APC: variants seen among roughly 807,000 people sequenced by gnomAD.
APC encodes the protein APC regulator of Wnt signaling pathway, also known as adenomatous polyposis coli protein.
APC carries 72 observed loss-of-function variants against 247.0 expected under a neutral mutation model. That is an observed-to-expected ratio of 0.29 (90% confidence interval 0.24 to 0.35). The LOEUF (loss-of-function observed/expected upper bound fraction) is 0.35. Among genes scored for constraint, APC ranks in the 10% least tolerant of loss-of-function variants. APC has a pLI of 1.00. For synonymous variants in APC, 1,254 were observed against 1,162.5 expected (o/e 1.08, Z -1.60); for missense variants, 3,400 against 3,360.7 (o/e 1.01, Z -0.29).
chr5:112,841,223 G>A lies in APC; in HGVS notation c.5629G>A (p.Glu1877Lys), dbSNP rs2149945086. The A allele has an allele frequency of 6.2e-7, 1 of 1,613,844 alleles. No homozygotes were observed. The highest frequency in any genetic ancestry group is 8.5e-7 in the Non-Finnish European group (1 of 1,179,824). The change falls in exon 16 of 16, where the codon GAA (glutamate) becomes AAA (lysine). Residue 1877 changes from glutamate to lysine, a missense_variant. Transcript: ENST00000257430. This position sits in a 1 kb window ranked among gnomAD's most constrained non-coding sequence, Gnocchi z 4.6. ...TGATGATGATGTTGACCTTTCCAGG[G>A]AAAAGGCTGAATTAAGAAAGGCAAA... ...FDDDDVDLSR[E>K]KAELRKAKEN...
At chr5:112,747,241 A>AGG (rs5870511) in intron 1 of APC, among the ~76,000 whole-genome samples, 13 of 151,924 alleles carry the variant, frequency 8.6e-5, no homozygotes, top group South Asian at 2.1e-4. Context: ...CTTTTTCTTG[A>AGG]GGGGGGAAAA....
At chr5:112,755,165 G>C (rs1754827540) in intron 2 of APC, 140 bp downstream of exon 2, 8 of 1,239,996 alleles carry the variant, frequency 6.5e-6, no homozygotes, top group Non-Finnish European at 8.8e-6. Context: ...GCAAAAGTTA[G>C]CATTTATATT....
At chr5:112,742,776 C>T (rs954227623) in intron 1 of APC, among the ~76,000 whole-genome samples, 3 of 152,140 alleles carry the variant, frequency 2.0e-5, no homozygotes, top group Admixed American at 1.3e-4. Flanking sequence ...TCACTAAGTC[C>T]AGCCCACCAA....
chr5:112,818,069 C>T (rs1449315288), intron 9 of APC, among the ~76,000 whole-genome samples: 2 of 152,222 alleles, frequency 1.3e-5, no homozygotes, highest in South Asian at 4.1e-4. Context: ...CTAGATTCCC[C>T]TAAAATACCC....
intron 6 of APC, among the ~76,000 whole-genome samples, chr5:112,790,350 C>T (rs1007030899): frequency 2.6e-5 from 4 of 151,666 alleles, no homozygotes; most frequent in South Asian, 2.1e-4. Flanking sequence ...TGTTTTGAGA[C>T]GGAGTCTCAC....
At chr5:112,737,175 G>T (rs1256487017), upstream of APC, among the ~76,000 whole-genome samples, 2 of 152,092 alleles carry the variant, frequency 1.3e-5, no homozygotes, top group African/African-American at 4.8e-5. Context: ...ATGTGTCAGG[G>T]ACTGCTCTAA....
In APC at chr5:112,841,700, G is replaced by A. The variant is rs1312511221; in HGVS notation, c.6106G>A (p.Asp2036Asn). The change falls in exon 16 of 16, where the codon GAT becomes AAT. Residue 2036 changes from aspartate (D) to asparagine (N), a missense_variant. Physicochemically the swap from Asp to Asn is conservative, Grantham distance 23. This residue lies in a region of APC where 1,788 missense variants were observed against 1,649.5 expected (regional missense o/e 1.08). Coordinates refer to ENST00000257430, the MANE Select transcript of APC (RefSeq NM_000038.6). This position sits in a 1 kb window ranked among gnomAD's most constrained non-coding sequence, Gnocchi z 4.6. ...CAGTTCTCTTAGTATTGACTCTGAAGATGACCTGTTGCAGGAATGTATAAG... is the reference window on the plus strand; with the variant it reads ...CAGTTCTCTTAGTATTGACTCTGAAAATGACCTGTTGCAGGAATGTATAAG... ...SLSSLSIDSEDDLLQECISSA... is the reference protein window; with the variant it reads ...SLSSLSIDSENDLLQECISSA... 5 of 1,613,742 alleles carry A rather than the reference G, an allele frequency of 3.1e-6. No individual in the cohort carries two copies. In the Admixed American group the frequency reaches 8.3e-5, roughly 27 times the overall value.
intron 1 of APC, among the ~76,000 whole-genome samples, chr5:112,726,095 C>T (rs1399750719): frequency 6.6e-6 from 1 of 152,126 alleles, no homozygotes; most frequent in Non-Finnish European, 1.5e-5. Context: ...GGGCAAGTGC[C>T]CCTGGGCTCC....
chr5:112,720,498 A>G (rs1751423312), intron 1 of APC, among the ~76,000 whole-genome samples: 1 of 152,088 alleles, frequency 6.6e-6, no homozygotes. Flanking sequence ...TCTCTCATGA[A>G]CCCTCCCGTC....
Position 112,844,167 on chromosome 5 carries a change from A to C in APC, c.*41A>C, listed in dbSNP as rs780140350. 4 of 1,530,600 alleles carry C rather than the reference A, an allele frequency of 2.6e-6. No individual in the cohort carries two copies. The highest frequency in any genetic ancestry group is 1.7e-5 in the Admixed American group (1 of 58,596). The allele number at this position is 1,530,600 out of a possible 1,614,324, so 94.8% of individuals were successfully genotyped here. On this transcript the variant is annotated 3_prime_UTR_variant, in exon 16 of 16. Transcript: ENST00000257430. The stretch of plus-strand genomic sequence containing the variant: ...AAACTAAGAAAATTCTATGTTAATT[A>C]CAACTGCTATATAGACATTTTGTTT...
chr5:112,734,122 G>T (rs1419796607), upstream of APC, among the ~76,000 whole-genome samples: 1 of 152,168 alleles, frequency 6.6e-6, no homozygotes, highest in East Asian at 1.9e-4. Context: ...GAGGTTAGGA[G>T]TTCGAGGTTA....
chr5:112,788,439 C>G (rs970773201), intron 6 of APC, among the ~76,000 whole-genome samples: 1 of 152,112 alleles, frequency 6.6e-6, no homozygotes, highest in Admixed American at 6.5e-5. Context: ...AATCCCAGAC[C>G]TGCCACTTAG....
chr5:112,844,708 C>T lies in APC; in HGVS notation c.*582C>T, dbSNP rs963668956. 35 of 232,426 alleles carry T rather than the reference C, an allele frequency of 1.5e-4. No individual in the cohort carries two copies. The highest frequency in any genetic ancestry group is 4.5e-4 in the Admixed American group (8 of 17,794). 14.4% of individuals were successfully genotyped at this position (232,426 alleles called of 1,614,324 possible). A position where few individuals can be genotyped will look rare whatever the true frequency, so the allele number is the denominator to read the frequency against. ...GTAATGATTAACAGTTATGTGGTCA[C>T]ATGATGTGCATAGAGATAGCTACAG... On this transcript the variant is annotated 3_prime_UTR_variant, in exon 16 of 16. Transcript: ENST00000257430.
At position 112,731,378 on chromosome 5, in the gene APC, G is replaced by C. The variant is rs911536439; in HGVS notation, c.165+23496G>C. 1.6e-4 allele frequency among the ~76,000 whole-genome samples: 25 copies of C among 152,298 alleles called. 1 individual carries two copies. In the East Asian group the frequency reaches 4.2e-3, roughly 26 times the overall value. ...TAGGAGCTGAGACGTCCAAGAGCAT[G>C]GCACCAGCATCTGGTGAGGGCCTTC... On this transcript the variant is annotated intron_variant, in intron 1 of 13. Coordinates refer to the APC transcript ENST00000507379.
chr5:112,790,514 A>G (rs1474646439), intron 6 of APC, among the ~76,000 whole-genome samples: 1 of 152,066 alleles, frequency 6.6e-6, no homozygotes, highest in East Asian at 1.9e-4. Context: ...TATTTTTAGT[A>G]GAGACGGGGT....
At chr5:112,764,518 G>T (rs1045262910) in intron 2 of APC, among the ~76,000 whole-genome samples, 5 of 152,176 alleles carry the variant, frequency 3.3e-5, no homozygotes, top group Non-Finnish European at 7.3e-5. Context: ...TTAACTGAGA[G>T]AATACAAGGC....
intron 8 of APC, among the ~76,000 whole-genome samples, chr5:112,803,739 C>T (rs1038935511): frequency 6.6e-6 from 1 of 152,158 alleles, no homozygotes; most frequent in African/African-American, 2.4e-5. Flanking sequence ...TCCTTGGCCT[C>T]ATGGAACCTA....
Position 112,843,248 on chromosome 5 carries a change from A to T in APC, c.7654A>T (p.Ser2552Cys), listed in dbSNP as rs1554088567. Residue 2552 changes from serine to cysteine, a missense_variant, in exon 16 of 16, where the codon AGC becomes TGC. By Grantham distance (112) the Ser-to-Cys change is moderately radical. Transcript: ENST00000257430. This position sits in a 1 kb window ranked among gnomAD's most constrained non-coding sequence, Gnocchi z 4.8. Reference sequence around the variant, plus strand: ...GTCAGGAACCTGGAAACGTGAGCACAGCAAACATTCATCATCCCTTCCTCG... The same window carrying T: ...GTCAGGAACCTGGAAACGTGAGCACTGCAAACATTCATCATCCCTTCCTCG... Reference protein sequence around the residue: ...NRSGTWKREHSKHSSSLPRVS... With the variant: ...NRSGTWKREHCKHSSSLPRVS... The T allele has an allele frequency of 6.2e-7, 1 of 1,613,818 alleles. No homozygotes were observed. Among genetic ancestry groups the T allele is most frequent in the African/African-American group, 1.3e-5 (1 of 74,922 alleles).
At chr5:112,732,558 T>G (rs1308094841) in intron 1 of APC, among the ~76,000 whole-genome samples, 1 of 152,232 alleles carries the variant, frequency 6.6e-6, no homozygotes, top group Non-Finnish European at 1.5e-5. Context: ...CGTGAGGGCA[T>G]CTTAATTGAA....
Sources: allele counts gnomAD v4.1 joint callset (sites outside exome capture counted in the v4.1 genomes callset), GRCh38; gene constraint gnomAD v4.1.1; regional missense constraint gnomAD v4.1.1; non-coding constraint Gnocchi (gnomAD v3.1); transcripts MANE v1.5; gene names NCBI Gene and HGNC (gene_info 2026-07-23, HGNC 2026-07-21).